EIF2B3: variants seen among roughly 807,000 people sequenced by gnomAD.
EIF2B3 encodes translation initiation factor eIF2B subunit gamma.
Under a neutral mutation model 54.1 loss-of-function variants are expected in EIF2B3, and 20 were observed. That is an observed-to-expected ratio of 0.37 (90% CI 0.26 to 0.54). The LOEUF (loss-of-function observed/expected upper bound fraction) is 0.54. Ranked by LOEUF, EIF2B3 falls within the 20% of genes least tolerant of loss-of-function variation. The pLI is 0.86. For synonymous variants in EIF2B3, 153 were observed against 188.1 expected, an observed-to-expected ratio of 0.81 and a Z score of 1.52; for missense variants, 448 against 547.8, an observed-to-expected ratio of 0.82 and a Z score of 1.82.
intron 1 of EIF2B3, among the ~76,000 whole-genome samples, chr1:44,981,912 C>T (rs1295872314): frequency 7.7e-6 from 1 of 129,844 alleles, no homozygotes; most frequent in Non-Finnish European, 1.5e-5. Context: ...CACTGCACTC[C>T]AACCTGTGTG....
rs1655997946 is a variant in EIF2B3 at position 44,897,119 on chromosome 1, T to C, written c.656+236A>G. Among the ~76,000 whole-genome samples, 6 of 152,188 alleles carry C rather than the reference T, an allele frequency of 3.9e-5. No homozygotes were observed. In the South Asian group the frequency reaches 1.2e-3, roughly 32 times the overall value. On this transcript the variant is annotated intron_variant, in intron 6 of 11. Transcript: ENST00000360403. ...TTACCGTTAAGTGTTACAAAATATT[T>C]TGCTGATTTATTATAACACACGCTG... is the stretch of plus-strand genomic sequence containing the variant.
At chr1:44,855,510 TTCTGAG>T (rs1264249307) in intron 11 of EIF2B3, among the ~76,000 whole-genome samples, 2 of 152,138 alleles carry the variant, frequency 1.3e-5, no homozygotes, top group Non-Finnish European at 2.9e-5. Flanking sequence ...TCAGGACCTG[TTCTGAG>T]AGCTAGGGAT....
At chr1:44,876,200 C>T (rs1422290716) in intron 8 of EIF2B3, among the ~76,000 whole-genome samples, 1 of 151,760 alleles carries the variant, frequency 6.6e-6, no homozygotes, top group East Asian at 2.0e-4. Flanking sequence ...GCCCGGCCGC[C>T]ACACCGTCTG....
chr1:44,878,355 C>A (rs1389113263), intron 8 of EIF2B3, among the ~76,000 whole-genome samples: 1 of 152,060 alleles, frequency 6.6e-6, no homozygotes, highest in African/African-American at 2.4e-5. Flanking sequence ...CTCCACCTAT[C>A]AGGTTCAAGC....
intron 3 of EIF2B3, among the ~76,000 whole-genome samples, chr1:44,962,778 A>T (rs1248417486): frequency 6.6e-6 from 1 of 152,224 alleles, no homozygotes; most frequent in Non-Finnish European, 1.5e-5. Context: ...ATGTTTACAA[A>T]TAACTTGCTT....
Position 44,897,344 on chromosome 1 carries a change from C to T in EIF2B3, c.656+11G>A. The T allele has an allele frequency of 5.0e-6, 8 of 1,606,154 alleles. No individual in the cohort carries two copies. Among genetic ancestry groups the T allele is most frequent in the Non-Finnish European group, 6.8e-6 (8 of 1,173,504 alleles). On this transcript the variant is annotated intron_variant, in intron 6 of 11. Transcript: ENST00000360403. ...GTACTGTAGGTTTGACTCTACCACC[C>T]TTTTTCTTACCCATTTTCCATTAGG...
chr1:44,984,796 T>A (rs138782299), intron 1 of EIF2B3, among the ~76,000 whole-genome samples: 3 of 97,516 alleles, frequency 3.1e-5, no homozygotes, highest in Non-Finnish European at 5.6e-5. Context: ...ATAATGTCCA[T>A]CTTTTTTTTT....
intron 9 of EIF2B3, among the ~76,000 whole-genome samples, chr1:44,875,116 G>A (rs988502217): frequency 6.6e-6 from 1 of 152,120 alleles, no homozygotes; most frequent in African/African-American, 2.4e-5. Context: ...TAAAGAGTGT[G>A]CTCAAATCAG....
At chr1:44,957,756 G>A (rs938099326) in intron 3 of EIF2B3, among the ~76,000 whole-genome samples, 3 of 151,392 alleles carry the variant, frequency 2.0e-5, no homozygotes, top group East Asian at 1.9e-4. Context: ...GCAAGACTCC[G>A]TCTCCAAAAA....
At chr1:44,854,490 T>A (rs1054214229) in intron 11 of EIF2B3, among the ~76,000 whole-genome samples, 14 of 151,816 alleles carry the variant, frequency 9.2e-5, no homozygotes, top group African/African-American at 3.4e-4. Flanking sequence ...AGGCCTACAC[T>A]GAGTTACGAG....
In EIF2B3 at chr1:44,942,399, A is replaced by ATGTG. The variant is rs1381940682; in HGVS notation, c.295-735_295-734insCACA. On this transcript the variant is annotated intron_variant, in intron 3 of 11. Coordinates refer to ENST00000360403, the MANE Select transcript of EIF2B3 (RefSeq NM_020365.5). Reference sequence around the variant, plus strand: ...ATTTTATATATATATATATATATATATATATATATATATATATATTTTTTT... The same window carrying ATGTG: ...ATTTTATATATATATATATATATATATGTGTATATATATATATATATATTTTTTT... 9.7e-3 allele frequency among the ~76,000 whole-genome samples: 154 copies of ATGTG among 15,928 alleles called. 16 individuals are homozygous for ATGTG. The highest frequency in any genetic ancestry group is 0.06 in the African/African-American group (146 of 2,430). 10.4% of individuals were successfully genotyped at this position (15,928 alleles called of 152,430 possible).
chr1:44,970,142 G>C (rs936145102), intron 3 of EIF2B3: 1 of 152,160 alleles, frequency 6.6e-6, no homozygotes, highest in African/African-American at 2.4e-5. Flanking sequence ...AAAACCAAAT[G>C]AAATATGTGT....
rs919028678 is a variant in EIF2B3 at position 44,857,822 on chromosome 1, C to T, written c.1203-15G>A. The T allele has an allele frequency of 1.9e-6, 3 of 1,612,868 alleles. No individual in the cohort carries two copies. In the African/African-American group the frequency reaches 4.0e-5, roughly 22 times the overall value. On this transcript the variant is annotated splice_polypyrimidine_tract_variant and intron_variant, in intron 10 of 11. Transcript: ENST00000360403. ...GGATATTGCTTCTGTAACACAGTAG[C>T]CAAGTTAGGGAGGACCCAAGGCTCG...
chr1:44,871,909 CT>C, intron 10 of EIF2B3, among the ~76,000 whole-genome samples: 1 of 143,094 alleles, frequency 7.0e-6, no homozygotes, highest in East Asian at 2.1e-4. Flanking sequence ...TAGGGTCTCA[CT>C]CTGTCACCTA....
At chr1:44,922,591 C>CAAAAAA (rs58626731) in intron 5 of EIF2B3, among the ~76,000 whole-genome samples, 4 of 87,532 alleles carry the variant, frequency 4.6e-5, no homozygotes, top group South Asian at 4.2e-4. Flanking sequence ...TGTCTCAAGA[C>CAAAAAA]AAAAAAAAAA....
In EIF2B3 at chr1:44,948,600, A is replaced by G. The variant is rs995347372; in HGVS notation, c.295-6935T>C. Among the ~76,000 whole-genome samples the G allele has an allele frequency of 5.3e-5, 8 of 152,238 alleles. No homozygotes were observed. The South Asian group carries it at 1.0e-3, about 20-fold the overall frequency. ...ATATGATATGCTCTTTATATAATATATATAAAGATAGACATTTAAAAAGGA... is the reference window on the plus strand; with the variant it reads ...ATATGATATGCTCTTTATATAATATGTATAAAGATAGACATTTAAAAAGGA... On this transcript the variant is annotated intron_variant, in intron 3 of 11. Coordinates refer to ENST00000360403, the MANE Select transcript of EIF2B3 (RefSeq NM_020365.5).
At chr1:44,889,619 G>T (rs1315917044) in intron 6 of EIF2B3, among the ~76,000 whole-genome samples, 1 of 151,464 alleles carries the variant, frequency 6.6e-6, no homozygotes, top group Non-Finnish European at 1.5e-5. Flanking sequence ...TTTTGAAAAG[G>T]AGTCTTGCTT....
At chr1:44,935,887 T>C (rs1336368840) in intron 4 of EIF2B3, among the ~76,000 whole-genome samples, 1 of 151,914 alleles carries the variant, frequency 6.6e-6, no homozygotes, top group Non-Finnish European at 1.5e-5. Context: ...CTGGGGAGAG[T>C]ACAATGAACA....
chr1:44,985,416 T>G lies in EIF2B3; in HGVS notation c.-10+1077A>C, dbSNP rs558404007. Reference sequence around the variant, plus strand: ...TTCTCTTAGCCTTTACGGGTTTCATTGCACGTATGTGTTTAAATGTCTACT... The same window carrying G: ...TTCTCTTAGCCTTTACGGGTTTCATGGCACGTATGTGTTTAAATGTCTACT... On this transcript the variant is annotated intron_variant, in intron 1 of 11. Transcript: ENST00000360403. Among the ~76,000 whole-genome samples, 757 of 152,336 alleles carry G rather than the reference T, an allele frequency of 5.0e-3. 4 individuals are homozygous for G. The highest frequency in any genetic ancestry group is 8.1e-3 in the East Asian group (42 of 5,172).
Sources: gnomAD v4.1 joint callset for allele counts (sites outside exome capture counted in the v4.1 genomes callset) on GRCh38, gnomAD v4.1.1 for gene constraint, MANE v1.5 for transcripts, NCBI Gene and HGNC (gene_info 2026-07-23, HGNC 2026-07-21) for gene names.